Variants in ST7 observed in about 807,000 individuals in gnomAD.
ST7 encodes the protein suppression of tumorigenicity 7.
In ST7, 28 loss-of-function variants were observed where a neutral mutation model predicts 78.7. That is an observed-to-expected ratio of 0.36 (90% CI 0.26 to 0.49). The LOEUF is 0.49. Ranked by LOEUF, ST7 falls within the 20% of genes least tolerant of loss-of-function variation. The pLI, the probability that ST7 is intolerant of heterozygous loss-of-function variation, is 0.99. For missense variants in ST7, 418 were observed against 696.0 expected, an observed-to-expected ratio of 0.60 and a Z score of 4.49; for synonymous variants, 247 against 249.6, an observed-to-expected ratio of 0.99 and a Z score of 0.10.
chr7:116,963,735 C>T (rs754905941), intron 1 of ST7, among the ~76,000 whole-genome samples: 10 of 150,894 alleles, frequency 6.6e-5, no homozygotes, highest in Non-Finnish European at 8.8e-5. Flanking sequence ...TGGGTTCAAG[C>T]GATTCTTCTG....
At chr7:117,149,736 T>G (rs1171749321) in intron 9 of ST7, among the ~76,000 whole-genome samples, 1 of 152,060 alleles carries the variant, frequency 6.6e-6, no homozygotes, top group Non-Finnish European at 1.5e-5. Context: ...TCCTTTTTCT[T>G]TTTTTAATTG....
At chr7:117,205,027 C>T (rs1791612689) in intron 12 of ST7, among the ~76,000 whole-genome samples, 1 of 152,134 alleles carries the variant, frequency 6.6e-6, no homozygotes, top group African/African-American at 2.4e-5. Context: ...ATGGTTGCAC[C>T]ACTGCACTCC....
intron 1 of ST7, among the ~76,000 whole-genome samples, chr7:117,000,309 G>A (rs1794881022): frequency 6.6e-6 from 1 of 152,180 alleles, no homozygotes; most frequent in Non-Finnish European, 1.5e-5. Context: ...TGCAATAATG[G>A]AAATGTCCTG....
intron 1 of ST7, among the ~76,000 whole-genome samples, chr7:116,986,179 G>A (rs1259631555): frequency 6.6e-6 from 1 of 152,218 alleles, no homozygotes; most frequent in African/African-American, 2.4e-5. Context: ...AGCATTCTGG[G>A]TTGTGTGAGT....
chr7:117,228,209 C>T lies in ST7; in HGVS notation c.1639-1553C>T, dbSNP rs1276633178. On this transcript the variant is annotated intron_variant, in intron 15 of 15. Transcript: ENST00000323984. ...TGCCTCTTTCTCAAAAGTATTCCTGCTCCTTTCAACAGAATGGATTCTCTC... is the reference window on the plus strand; with the variant it reads ...TGCCTCTTTCTCAAAAGTATTCCTGTTCCTTTCAACAGAATGGATTCTCTC... 2.6e-5 allele frequency among the ~76,000 whole-genome samples: 4 copies of T among 152,202 alleles called. No homozygotes were observed. The East Asian group carries it at 5.8e-4, about 22-fold the overall frequency.
At chr7:117,151,156 A>G (rs959023647) in intron 9 of ST7, among the ~76,000 whole-genome samples, 1 of 152,208 alleles carries the variant, frequency 6.6e-6, no homozygotes, top group Non-Finnish European at 1.5e-5. Flanking sequence ...AACTCAAACT[A>G]CTTTTTTAAA....
At position 116,999,842 on chromosome 7, in the gene ST7, G is replaced by A. The variant is rs375509142; in HGVS notation, c.151+46151G>A. ...TTTTTTTTTTTTGAGACAGAGTCTCGCTGTGTCACCCAGACTGGAGTGCAG... is the reference window on the plus strand; with the variant it reads ...TTTTTTTTTTTTGAGACAGAGTCTCACTGTGTCACCCAGACTGGAGTGCAG... On this transcript the variant is annotated intron_variant, in intron 1 of 15. Transcript: ENST00000323984. 2.7e-5 allele frequency among the ~76,000 whole-genome samples: 3 copies of A among 113,194 alleles called. No individual in the cohort carries two copies. The South Asian group carries it at 8.4e-4, about 32-fold the overall frequency. 74.3% of individuals were successfully genotyped at this position (113,194 alleles called of 152,430 possible).
chr7:117,059,841 C>T (rs1003518119), intron 1 of ST7, among the ~76,000 whole-genome samples: 5 of 144,626 alleles, frequency 3.5e-5, no homozygotes, highest in African/African-American at 2.6e-5. Flanking sequence ...AAATTAGCTA[C>T]GTGTGGTAAT....
At chr7:117,006,694 ACTT>A (rs1795169925) in intron 1 of ST7, among the ~76,000 whole-genome samples, 1 of 152,216 alleles carries the variant, frequency 6.6e-6, no homozygotes, top group African/African-American at 2.4e-5. Context: ...CAGATACTGC[ACTT>A]CTTATAAATT....
At chr7:117,158,262 G>A (rs893371857) in intron 9 of ST7, among the ~76,000 whole-genome samples, 1 of 152,188 alleles carries the variant, frequency 6.6e-6, no homozygotes, top group Non-Finnish European at 1.5e-5. Flanking sequence ...AGAAACAAAC[G>A]GAAAAGGAAG....
intron 1 of ST7, among the ~76,000 whole-genome samples, chr7:117,012,027 C>T (rs1044248757): frequency 4.6e-5 from 7 of 152,084 alleles, no homozygotes; most frequent in Non-Finnish European, 1.0e-4. Context: ...ACTGAGTGTG[C>T]CTTGGGTAGG....
chr7:117,213,858 T>C (rs1178575073), intron 13 of ST7, among the ~76,000 whole-genome samples: 1 of 152,210 alleles, frequency 6.6e-6, no homozygotes, highest in East Asian at 1.9e-4. Flanking sequence ...TCACATTTAT[T>C]TGAAACACTG....
At chr7:116,980,458 T>C (rs1440079517) in intron 1 of ST7, among the ~76,000 whole-genome samples, 1 of 152,144 alleles carries the variant, frequency 6.6e-6, no homozygotes, top group African/African-American at 2.4e-5. Flanking sequence ...GAGCTTCACT[T>C]TTCCCTCGAG....
chr7:117,146,696 G>A (rs57518803), intron 9 of ST7, among the ~76,000 whole-genome samples: 41,321 of 152,054 alleles, frequency 0.27, 7,061 homozygotes, highest in African/African-American at 0.49. Context: ...AATCAGATAT[G>A]CAGTACAAGA....
chr7:117,083,044 ATTTTATTTTATAT>A (rs1799901540), intron 1 of ST7, among the ~76,000 whole-genome samples: 1 of 151,906 alleles, frequency 6.6e-6, no homozygotes. Flanking sequence ...CTGCTATTTT[ATTTTATTTTATAT>A]TTTTATTTTA....
intron 9 of ST7, among the ~76,000 whole-genome samples, chr7:117,158,774 G>A (rs1417213940): frequency 2.0e-5 from 3 of 152,144 alleles, no homozygotes; most frequent in East Asian, 1.9e-4. Flanking sequence ...ATGGCCCTTA[G>A]TGTCAGTAAA....
intron 6 of ST7, among the ~76,000 whole-genome samples, chr7:117,132,254 T>A (rs977340402): frequency 6.6e-6 from 1 of 151,848 alleles, no homozygotes; most frequent in Non-Finnish European, 1.5e-5. Context: ...TTTACATATC[T>A]AAAACATTCT....
chr7:117,212,906 A>T (rs1242499062), intron 13 of ST7, among the ~76,000 whole-genome samples: 1 of 152,242 alleles, frequency 6.6e-6, no homozygotes, highest in Non-Finnish European at 1.5e-5. Flanking sequence ...GTCTTTTGAC[A>T]TCGCTTCTGG....
intron 1 of ST7, among the ~76,000 whole-genome samples, chr7:116,999,717 A>G (rs1161550201): frequency 6.6e-6 from 1 of 152,194 alleles, no homozygotes; most frequent in African/African-American, 2.4e-5. Flanking sequence ...AAGATACTGT[A>G]AGAGAACTGA....
Sources: allele counts gnomAD v4.1 joint callset (sites outside exome capture counted in the v4.1 genomes callset), GRCh38; gene constraint gnomAD v4.1.1; transcripts MANE v1.5; gene names NCBI Gene and HGNC (gene_info 2026-07-23, HGNC 2026-07-21).